UBQLN1: variants seen among roughly 807,000 people sequenced by gnomAD.
UBQLN1 encodes the protein ubiquilin 1.
A neutral mutation model predicts 65.4 loss-of-function variants in UBQLN1; 13 were observed. The ratio of observed to expected loss-of-function variants is 0.20; its 90% confidence interval spans 0.13 to 0.32. The LOEUF is 0.32. UBQLN1 is among the 10% of genes least tolerant of loss of function. The pLI, the probability that UBQLN1 is intolerant of heterozygous loss-of-function variation, is 1.00. For synonymous variants in UBQLN1, 267 were observed against 247.8 expected (o/e 1.08, Z -0.73); for missense variants, 561 against 724.0 (o/e 0.77, Z 2.58).
chr9:83,678,655 T>C, intron 4 of UBQLN1, 56 bp from the exon 5 acceptor site: 2 of 1,506,104 alleles, frequency 1.3e-6, no homozygotes, highest in Non-Finnish European at 1.8e-6. Flanking sequence ...TACACATGAA[T>C]TACATTAATT....
Position 83,661,554 on chromosome 9 carries a change from T to C in UBQLN1, c.*233A>G, listed in dbSNP as rs1437475699. 1 of 374,254 alleles carries C rather than the reference T, an allele frequency of 2.7e-6. No homozygotes were observed. The highest frequency in any genetic ancestry group is 4.7e-6 in the Non-Finnish European group (1 of 213,976). 23.2% of individuals were successfully genotyped at this position (374,254 alleles called of 1,614,324 possible). ...TATAAAAGGTGATGTTTTTAAAAAA[T>C]TACAATAAATGCAGAAGTGATGCAT... On this transcript the variant is annotated 3_prime_UTR_variant, in exon 11 of 11. Transcript: ENST00000376395.
At chr9:83,686,268 C>A in intron 1 of UBQLN1, 113 bp from the exon 2 acceptor site, 1 of 682,916 alleles carries the variant, frequency 1.5e-6, no homozygotes. Flanking sequence ...ATTCAAACAC[C>A]ATAATCCCAA....
chr9:83,686,126 T>C lies in UBQLN1; in HGVS notation c.210A>G (p.Lys70=), dbSNP rs760672242. 7 of 1,583,310 alleles carry C rather than the reference T, an allele frequency of 4.4e-6. No individual in the cohort carries two copies. In the Admixed American group the frequency reaches 5.9e-5, roughly 13 times the overall value. ...QFKEEISKRF[K]SHTDQLVLIF... ...TCAACACAAGTTGGTCAGTATGTGA[T>C]TTAAAACGTTTAGAGATTTCTTCCT... The change falls in exon 2 of 11, where the codon AAA becomes AAG. Residue 70 remains lysine, a synonymous_variant. Transcript: ENST00000376395.
chr9:83,682,867 T>TAA, intron 3 of UBQLN1, 84 bp downstream of exon 3: 1 of 632,824 alleles, frequency 1.6e-6, no homozygotes. Context: ...CATAATGTTT[T>TAA]ATTTTCTCAT....
intron 2 of UBQLN1, among the ~76,000 whole-genome samples, chr9:83,683,453 G>T (rs1186343069): frequency 1.4e-5 from 2 of 147,190 alleles, no homozygotes; most frequent in Non-Finnish European, 3.0e-5. Flanking sequence ...CTGAAATCCT[G>T]ACATCTAGAA....
At chr9:83,700,099 T>C (rs903066659) in intron 1 of UBQLN1, among the ~76,000 whole-genome samples, 17 of 152,312 alleles carry the variant, frequency 1.1e-4, no homozygotes, top group Admixed American at 9.1e-4. Flanking sequence ...CTCCTATACA[T>C]CTAAAATTAT....
chr9:83,697,131 G>A (rs1015324635), intron 1 of UBQLN1, among the ~76,000 whole-genome samples: 1 of 152,056 alleles, frequency 6.6e-6, no homozygotes, highest in South Asian at 2.1e-4. Context: ...AGGCAGTTTG[G>A]GGCAGTGGAT....
intron 1 of UBQLN1, among the ~76,000 whole-genome samples, chr9:83,687,949 C>T (rs1438802415): frequency 6.6e-6 from 1 of 152,050 alleles, no homozygotes; most frequent in Admixed American, 6.6e-5. Context: ...ATATATAATC[C>T]TTTTATCTAA....
chr9:83,675,379 T>C (rs1564163271), intron 6 of UBQLN1, among the ~76,000 whole-genome samples: 1 of 152,118 alleles, frequency 6.6e-6, no homozygotes. Flanking sequence ...AAGCAGCATT[T>C]ATGTGTGATC....
At chr9:83,687,199 AACTAAAGAAAGACT>A (rs1184706348) in intron 1 of UBQLN1, among the ~76,000 whole-genome samples, 3 of 152,214 alleles carry the variant, frequency 2.0e-5, no homozygotes, top group African/African-American at 7.2e-5. Context: ...CCTAAGTGAA[AACTAAAGAAAGACT>A]ACTAAAGAAA....
chr9:83,670,443 T>C (rs1564161257), intron 6 of UBQLN1, among the ~76,000 whole-genome samples: 1 of 152,194 alleles, frequency 6.6e-6, no homozygotes, highest in Non-Finnish European at 1.5e-5. Flanking sequence ...TCCAGACTGC[T>C]GTGCAATAAA....
chr9:83,682,462 G>T (rs117273398), intron 3 of UBQLN1, among the ~76,000 whole-genome samples: 1 of 150,950 alleles, frequency 6.6e-6, no homozygotes, highest in African/African-American at 2.4e-5. Flanking sequence ...CTCCGTGACT[G>T]AGCAAGATCC....
chr9:83,668,224 C>T (rs1831673901), intron 7 of UBQLN1: 2 of 984,786 alleles, frequency 2.0e-6, no homozygotes, highest in Admixed American at 1.2e-4. Context: ...TTGGTGAGGG[C>T]ATAAGTTATT....
chr9:83,700,128 T>C (rs1057075570), intron 1 of UBQLN1, among the ~76,000 whole-genome samples: 1 of 152,206 alleles, frequency 6.6e-6, no homozygotes, highest in African/African-American at 2.4e-5. Context: ...TGAACCATCT[T>C]TGAAAAGAAA....
At chr9:83,703,446 A>C (rs1832344797) in intron 1 of UBQLN1, among the ~76,000 whole-genome samples, 1 of 152,182 alleles carries the variant, frequency 6.6e-6, no homozygotes, top group Non-Finnish European at 1.5e-5. Context: ...ATGTACATGA[A>C]ATATAACTGA....
rs150632104 is a variant in UBQLN1, at chr9:83,662,162, G to C, written c.1618-223C>G. On this transcript the variant is annotated intron_variant, in intron 10 of 10. Coordinates refer to ENST00000376395, the MANE Select transcript of UBQLN1 (RefSeq NM_013438.5). ...TAAATAATCATGTCAAATAGATCACGACTCTACTTTAGGGGAGGGGGAGAA... is the reference window on the plus strand; with the variant it reads ...TAAATAATCATGTCAAATAGATCACCACTCTACTTTAGGGGAGGGGGAGAA... Among the ~76,000 whole-genome samples, 367 of 151,954 alleles carry C rather than the reference G, an allele frequency of 2.4e-3. 6 individuals are homozygous for C. Among genetic ancestry groups the C allele is most frequent in the African/African-American group, 8.5e-3 (351 of 41,426 alleles).
chr9:83,667,618 T>C (rs1831662659), intron 7 of UBQLN1: 3 of 985,300 alleles, frequency 3.0e-6, no homozygotes, highest in East Asian at 1.1e-4. Context: ...CAAATACTTA[T>C]CATCAACATA....
intron 9 of UBQLN1, 103 bp from the exon 10 acceptor site, chr9:83,664,146 T>TA: frequency 7.5e-7 from 1 of 1,339,972 alleles, no homozygotes; most frequent in Non-Finnish European, 1.0e-6. Flanking sequence ...CTTCTTAAAA[T>TA]AAGCCCTTTT....
At chr9:83,670,694 T>C (rs1166042080) in intron 6 of UBQLN1, among the ~76,000 whole-genome samples, 1 of 152,250 alleles carries the variant, frequency 6.6e-6, no homozygotes, top group Non-Finnish European at 1.5e-5. Context: ...GAAAACTTTG[T>C]TGCACTCTAT....
Sources: allele counts gnomAD v4.1 joint callset (sites outside exome capture counted in the v4.1 genomes callset), GRCh38; gene constraint gnomAD v4.1.1; transcripts MANE v1.5; gene names NCBI Gene and HGNC (gene_info 2026-07-23, HGNC 2026-07-21).